The following NRCAM variants were observed in gnomAD, a reference collection of about 807,000 sequenced individuals.
NRCAM encodes neuronal cell adhesion molecule.
NRCAM carries 83 observed loss-of-function variants against 156.5 expected under a neutral mutation model. The ratio of observed to expected loss-of-function variants is 0.53; its 90% confidence interval spans 0.44 to 0.64. NRCAM has a LOEUF of 0.64. Among genes scored for constraint, NRCAM ranks in the 30% least tolerant of loss-of-function variants. The pLI is 0.00. For synonymous variants in NRCAM, 538 were observed against 563.9 expected (o/e 0.95, Z 0.65); for missense variants, 1,417 against 1,597.3 (o/e 0.89, Z 1.92).
chr7:108,279,492 C>G (rs1018384166), intron 3 of NRCAM, among the ~76,000 whole-genome samples: 7 of 151,654 alleles, frequency 4.6e-5, no homozygotes, highest in African/African-American at 1.7e-4. Flanking sequence ...CACAGTGTGA[C>G]TTATGCAACA....
At chr7:108,441,220 T>C (rs1838164891) in intron 1 of NRCAM, among the ~76,000 whole-genome samples, 1 of 152,216 alleles carries the variant, frequency 6.6e-6, no homozygotes, top group South Asian at 2.1e-4. Flanking sequence ...CTTGAGAATA[T>C]GCAAAAGTTA....
chr7:108,170,366 C>T (rs1263453771), intron 28 of NRCAM, among the ~76,000 whole-genome samples: 1 of 152,182 alleles, frequency 6.6e-6, no homozygotes, highest in African/African-American at 2.4e-5. Flanking sequence ...GCCCCAGAAT[C>T]ACTAAGCTAA....
chr7:108,196,881 A>G (rs2299996), intron 14 of NRCAM, among the ~76,000 whole-genome samples: 35,442 of 152,104 alleles, frequency 0.23, 4,341 homozygotes, highest in Non-Finnish European at 0.27. Context: ...GTATGTCGAG[A>G]TATTTGAACT....
In NRCAM at chr7:108,180,291, A is replaced by G; in HGVS notation, c.2783T>C (p.Val928Ala). ...CTCCCCTTTCCCATTGACCACTCGG[A>G]CATTCAGTGTGTAGTGGCTAAAGGG... ...LEPFSHYTLN[V>A]RVVNGKGEGP... is the part of the protein sequence containing the mutation. Residue 928 changes from valine to alanine, a missense_variant, in exon 25 of 33, where the codon GTC becomes GCC. Physicochemically the swap from Val to Ala is moderately conservative, Grantham distance 64. Coordinates refer to ENST00000379028, the MANE Select transcript of NRCAM (RefSeq NM_001037132.4). 8 of 1,614,148 alleles carry G rather than the reference A, an allele frequency of 5.0e-6. No homozygotes were observed. The highest frequency in any genetic ancestry group is 4.2e-6 in the Non-Finnish European group (5 of 1,180,026).
intron 2 of NRCAM, among the ~76,000 whole-genome samples, chr7:108,368,422 C>T (rs1029246286): frequency 2.6e-5 from 4 of 151,998 alleles, no homozygotes; most frequent in African/African-American, 9.7e-5. Flanking sequence ...CGCATACATA[C>T]ACACTTCTGA....
intron 28 of NRCAM, among the ~76,000 whole-genome samples, chr7:108,170,130 C>A (rs2057530615): frequency 6.6e-6 from 1 of 151,816 alleles, no homozygotes; most frequent in Admixed American, 6.6e-5. Flanking sequence ...GACATGAAAA[C>A]AACCTAAATA....
At chr7:108,274,673 C>G (rs1305239165) in intron 3 of NRCAM, among the ~76,000 whole-genome samples, 2 of 152,132 alleles carry the variant, frequency 1.3e-5, no homozygotes, top group African/African-American at 4.8e-5. Context: ...TATACAGTCA[C>G]GTCATCTGCA....
At chr7:108,150,810 T>G (rs2041045594) in intron 32 of NRCAM, 1 of 457,240 alleles carries the variant, frequency 2.2e-6, no homozygotes, top group Admixed American at 3.0e-5. Context: ...TTTGTTTTTT[T>G]GGTAAAAATT....
intron 3 of NRCAM, among the ~76,000 whole-genome samples, chr7:108,254,450 C>A (rs2096529177): frequency 6.6e-6 from 1 of 152,092 alleles, no homozygotes; most frequent in Non-Finnish European, 1.5e-5. Context: ...TTCAAAAAGA[C>A]TGATGATGTC....
intron 26 of NRCAM, among the ~76,000 whole-genome samples, chr7:108,177,701 GTATATATA>G (rs562718153): frequency 4.7e-5 from 1 of 21,416 alleles, no homozygotes; most frequent in African/African-American, 9.2e-5. Context: ...ATATATACAC[GTATATATA>G]TATATACGTG....
chr7:108,343,053 T>A (rs2099311357), intron 2 of NRCAM, among the ~76,000 whole-genome samples: 1 of 152,168 alleles, frequency 6.6e-6, no homozygotes, highest in Admixed American at 6.5e-5. Context: ...TTTTAGAGGT[T>A]CCCCTGACTG....
At chr7:108,442,738 C>T (rs898515021) in intron 1 of NRCAM, among the ~76,000 whole-genome samples, 13 of 152,082 alleles carry the variant, frequency 8.5e-5, no homozygotes, top group African/African-American at 1.9e-4. Context: ...CTTAGAACAC[C>T]GTCTTTCAAG....
chr7:108,455,110 C>T (rs1229959753), intron 1 of NRCAM, among the ~76,000 whole-genome samples: 2 of 152,106 alleles, frequency 1.3e-5, no homozygotes, highest in African/African-American at 2.4e-5. Context: ...TCGCCAGCCC[C>T]GGGGCCCGGG....
intron 13 of NRCAM, among the ~76,000 whole-genome samples, chr7:108,206,294 A>G (rs1285837345): frequency 1.3e-5 from 2 of 152,160 alleles, no homozygotes; most frequent in African/African-American, 4.8e-5. Context: ...ATCTTAGGGG[A>G]AGTGTGTGTG....
intron 3 of NRCAM, among the ~76,000 whole-genome samples, chr7:108,261,505 G>A (rs1460300714): frequency 2.0e-5 from 3 of 152,158 alleles, no homozygotes; most frequent in East Asian, 3.8e-4. Flanking sequence ...GCAAATTTTG[G>A]TTTTATCTCC....
At position 108,155,472 on chromosome 7, in the gene NRCAM, T is replaced by C. The variant is rs113945294; in HGVS notation, c.3677+3991A>G. Among the ~76,000 whole-genome samples the C allele has an allele frequency of 9.1e-3, 1,383 of 152,122 alleles. 21 individuals are homozygous for C. Among genetic ancestry groups the C allele is most frequent in the African/African-American group, 0.031 (1,306 of 41,518 alleles). On this transcript the variant is annotated intron_variant, in intron 32 of 32. Coordinates refer to ENST00000379028, the MANE Select transcript of NRCAM (RefSeq NM_001037132.4). ...GATCATTGTGCAGTGGAAAGAAATG[T>C]TCCTATCACAATGCTAAAACTGCAT...
intron 30 of NRCAM, among the ~76,000 whole-genome samples, chr7:108,166,622 G>A (rs770772959): frequency 6.6e-6 from 1 of 152,150 alleles, no homozygotes; most frequent in Admixed American, 6.5e-5. Flanking sequence ...CTGAGGGAAA[G>A]TTTATACATG....
At chr7:108,204,959 A>G (rs2080315568) in intron 13 of NRCAM, among the ~76,000 whole-genome samples, 1 of 152,176 alleles carries the variant, frequency 6.6e-6, no homozygotes, top group Non-Finnish European at 1.5e-5. Flanking sequence ...GTAATTTAAA[A>G]GGGGAGTGTT....
chr7:108,253,478 T>G (rs2096475537), intron 3 of NRCAM, among the ~76,000 whole-genome samples: 1 of 152,198 alleles, frequency 6.6e-6, no homozygotes, highest in Non-Finnish European at 1.5e-5. Flanking sequence ...AGTGTGTTTC[T>G]GGCAAGTGCC....
Sources: allele counts gnomAD v4.1 joint callset (sites outside exome capture counted in the v4.1 genomes callset), GRCh38; gene constraint gnomAD v4.1.1; transcripts MANE v1.5; gene names NCBI Gene and HGNC (gene_info 2026-07-23, HGNC 2026-07-21).